The following NRXN1 variants were observed in gnomAD, a reference collection of about 807,000 sequenced individuals.
NRXN1 encodes neurexin-1.
NRXN1 carries 39 observed loss-of-function variants against 150.9 expected under a neutral mutation model. That is an observed-to-expected ratio of 0.26 (90% CI 0.20 to 0.34). The LOEUF (loss-of-function observed/expected upper bound fraction) is 0.34, where lower values mean the gene tolerates loss of function less well. Among genes scored for constraint, NRXN1 ranks in the 10% least tolerant of loss-of-function variants. The pLI is 1.00. For missense variants in NRXN1, 1,815 were observed against 1,949.9 expected (o/e 0.93, Z 1.30); for synonymous variants, 924 against 757.0 (o/e 1.22, Z -3.62).
At chr2:50,209,795 G>T (rs542526799) in intron 18 of NRXN1, among the ~76,000 whole-genome samples, 1 of 151,786 alleles carries the variant, frequency 6.6e-6, no homozygotes, top group Non-Finnish European at 1.5e-5. Flanking sequence ...ATTTACACTT[G>T]TTGCAATAAA....
chr2:50,087,891 G>A (rs1338695371), intron 19 of NRXN1, among the ~76,000 whole-genome samples: 1 of 152,080 alleles, frequency 6.6e-6, no homozygotes, highest in Non-Finnish European at 1.5e-5. Context: ...GCTACCAGAT[G>A]AATTGCTTCA....
chr2:50,665,826 C>T (rs1303091573), intron 5 of NRXN1, among the ~76,000 whole-genome samples: 1 of 151,240 alleles, frequency 6.6e-6, no homozygotes, highest in Non-Finnish European at 1.5e-5. Context: ...AGGTGAAAAC[C>T]TGCTTTCTAT....
At chr2:50,736,472 C>A (rs1205227446) in intron 5 of NRXN1, among the ~76,000 whole-genome samples, 2 of 151,990 alleles carry the variant, frequency 1.3e-5, no homozygotes, top group Non-Finnish European at 2.9e-5. Context: ...TGGCTGTGTC[C>A]CCACCCAAAT....
intron 18 of NRXN1, among the ~76,000 whole-genome samples, chr2:50,134,573 C>T (rs751293574): frequency 3.3e-5 from 5 of 152,022 alleles, no homozygotes; most frequent in Non-Finnish European, 7.4e-5. Flanking sequence ...TCAAAAGAAC[C>T]GATCACAGAA....
intron 18 of NRXN1, among the ~76,000 whole-genome samples, chr2:50,123,402 T>C (rs58871692): frequency 0.014 from 2,059 of 152,200 alleles, 60 homozygotes; most frequent in African/African-American, 0.047. Flanking sequence ...AAAGCAAACA[T>C]GGTATTTGGT....
At chr2:50,722,978 A>G (rs960448505) in intron 5 of NRXN1, among the ~76,000 whole-genome samples, 1 of 152,102 alleles carries the variant, frequency 6.6e-6, no homozygotes, top group Non-Finnish European at 1.5e-5. Context: ...ATGCTGAGCT[A>G]GAGTCATTCT....
chr2:49,959,076 G>A (rs895536789), intron 21 of NRXN1, among the ~76,000 whole-genome samples: 7 of 152,260 alleles, frequency 4.6e-5, no homozygotes, highest in Admixed American at 1.3e-4. Flanking sequence ...ATTTCTAAGC[G>A]AATCTCAGTA....
chr2:50,341,784 G>C (rs971578538), intron 17 of NRXN1, among the ~76,000 whole-genome samples: 1 of 152,130 alleles, frequency 6.6e-6, no homozygotes, highest in African/African-American at 2.4e-5. Context: ...GCTCTTTCTA[G>C]AACATTAATA....
chr2:50,506,542 C>T lies in NRXN1; in HGVS notation c.2450G>A (p.Arg817His), dbSNP rs201873057. 11 of 1,612,998 alleles carry T rather than the reference C, an allele frequency of 6.8e-6. No homozygotes were observed. Among genetic ancestry groups the T allele is most frequent in the Admixed American group, 3.3e-5 (2 of 59,890 alleles). ...NEWHTVRVVRRGKSLKLTVDD... is the reference protein window; with the variant it reads ...NEWHTVRVVRHGKSLKLTVDD... Reference sequence around the variant, plus strand: ...CACTGTTAACTTTAAACTTTTTCCACGCCGAACTACACGCACTGTGTGCCA... The same window carrying T: ...CACTGTTAACTTTAAACTTTTTCCATGCCGAACTACACGCACTGTGTGCCA... Residue 817 changes from arginine (R) to histidine (H), a missense_variant, in exon 13 of 23, where the codon CGT (arginine) becomes CAT (histidine). By Grantham distance (29) the Arg-to-His change is conservative (BLOSUM62 0). Around this residue, in one of 6 missense-constraint regions of NRXN1, gnomAD observed 638 missense variants for 652.6 expected, o/e 0.98. Coordinates refer to ENST00000401669, the MANE Select transcript of NRXN1 (RefSeq NM_001330078.2).
At chr2:50,270,782 G>T (rs1271293326) in intron 17 of NRXN1, among the ~76,000 whole-genome samples, 3 of 151,074 alleles carry the variant, frequency 2.0e-5, no homozygotes, top group Non-Finnish European at 2.9e-5. Flanking sequence ...CAATTCTCCT[G>T]CCTCAGCTTA....
At chr2:50,709,932 A>G (rs1340829632) in intron 5 of NRXN1, among the ~76,000 whole-genome samples, 3 of 152,202 alleles carry the variant, frequency 2.0e-5, no homozygotes, top group African/African-American at 7.2e-5. Context: ...CCAGAAATGC[A>G]TTCCAGAAGA....
chr2:49,971,715 T>G (rs1003936517), intron 21 of NRXN1, among the ~76,000 whole-genome samples: 2 of 152,182 alleles, frequency 1.3e-5, no homozygotes, highest in Non-Finnish European at 2.9e-5. Flanking sequence ...TTAGTGAATT[T>G]TTTTCCATTA....
chr2:50,573,122 T>A (rs1220906157), intron 8 of NRXN1, among the ~76,000 whole-genome samples: 1 of 152,104 alleles, frequency 6.6e-6, no homozygotes, highest in South Asian at 2.1e-4. Flanking sequence ...GTAATCCTAG[T>A]ACTTTGGGAG....
At chr2:50,637,644 T>C (rs932687671) in intron 5 of NRXN1, 1 of 152,214 alleles carries the variant, frequency 6.6e-6, no homozygotes. Context: ...ATAATTGAGC[T>C]CCAGTGAACT....
intron 5 of NRXN1, among the ~76,000 whole-genome samples, chr2:50,822,957 T>A (rs564299825): frequency 2.8e-4 from 43 of 152,286 alleles, no homozygotes; most frequent in African/African-American, 9.9e-4. Flanking sequence ...CCATGTATAT[T>A]TTCAAAGCAA....
intron 5 of NRXN1, among the ~76,000 whole-genome samples, chr2:50,859,134 A>T (rs143427463): frequency 1.3e-5 from 2 of 151,414 alleles, no homozygotes; most frequent in East Asian, 2.0e-4. Context: ...GTAAGGGTAC[A>T]TTTTTTTTTC....
At chr2:50,957,554 A>T (rs945287020) in intron 2 of NRXN1, among the ~76,000 whole-genome samples, 6 of 152,178 alleles carry the variant, frequency 3.9e-5, no homozygotes, top group Non-Finnish European at 7.3e-5. Context: ...ACAAATCCTT[A>T]AAGAAATACA....
intron 18 of NRXN1, among the ~76,000 whole-genome samples, chr2:50,111,543 G>C (rs1275017216): frequency 6.6e-6 from 1 of 151,972 alleles, no homozygotes; most frequent in Non-Finnish European, 1.5e-5. Context: ...GGGGACTGAA[G>C]CAGGAGAATA....
At chr2:50,800,084 C>T (rs1322476852) in intron 5 of NRXN1, among the ~76,000 whole-genome samples, 5 of 152,140 alleles carry the variant, frequency 3.3e-5, no homozygotes, top group African/African-American at 4.8e-5. Flanking sequence ...GTCAGTATTT[C>T]GTGACATACT....
Sources: allele counts gnomAD v4.1 joint callset (sites outside exome capture counted in the v4.1 genomes callset), GRCh38; gene constraint gnomAD v4.1.1; regional missense constraint gnomAD v4.1.1; transcripts MANE v1.5; gene names NCBI Gene and HGNC (gene_info 2026-07-23, HGNC 2026-07-21).